The following C11orf65 variants were observed in gnomAD, a reference collection of about 807,000 sequenced individuals.
The protein encoded by C11orf65 is protein MFI.
Under a neutral mutation model 35.3 loss-of-function variants are expected in C11orf65, and 38 were observed. The observed-to-expected ratio is 1.08, with a 90% CI of 0.83 to 1.41. The LOEUF (loss-of-function observed/expected upper bound fraction) is 1.41, where lower values mean the gene tolerates loss of function less well. Ranked by LOEUF, C11orf65 falls within the 40% of genes most tolerant of loss-of-function variation. The pLI, the probability that C11orf65 is intolerant of heterozygous loss-of-function variation, is 0.00. For synonymous variants in C11orf65, 105 were observed against 114.4 expected (o/e 0.92, Z 0.53); for missense variants, 370 against 367.1 (o/e 1.01, Z -0.06).
intron 2 of C11orf65, among the ~76,000 whole-genome samples, chr11:108,373,665 C>G (rs112063267): frequency 2.8e-4 from 43 of 152,198 alleles, no homozygotes; most frequent in African/African-American, 8.7e-4. Flanking sequence ...GAGTGCCAGA[C>G]AGTAGGTGCA....
chr11:108,324,056 GAA>G (rs10708230), intron 6 of C11orf65, among the ~76,000 whole-genome samples: 1 of 151,952 alleles, frequency 6.6e-6, no homozygotes, highest in Admixed American at 6.6e-5. Context: ...AAAAATATTT[GAA>G]AAAAAAATTT....
Position 108,460,099 on chromosome 11 carries a change from G to GTAT in C11orf65, c.81+1377_81+1379dup, listed in dbSNP as rs1317295614. Among the ~76,000 whole-genome samples the GTAT allele has an allele frequency of 3.9e-5, 6 of 152,010 alleles. No individual in the cohort carries two copies. The East Asian group carries it at 1.2e-3, about 29-fold the overall frequency. On this transcript the variant is annotated intron_variant, in intron 2 of 8. Transcript: ENST00000393084. ...TCCTGGGCAACATAGTGAGATCCCT[G>GTAT]TATCTTAAAAAAACACATATTATTT...
Position 108,361,575 on chromosome 11 carries a change from A to G in C11orf65, c.227-26283T>C, listed in dbSNP as rs377487718. Among the ~76,000 whole-genome samples the G allele has an allele frequency of 7.2e-5, 11 of 151,996 alleles. No individual in the cohort carries two copies. The South Asian group carries it at 8.5e-4, about 12-fold the overall frequency. Reference sequence around the variant, plus strand: ...CTACAAGGCTACAGTAACCAAAACAACATGGTACTGGTACCAAAACAGAGA... The same window carrying G: ...CTACAAGGCTACAGTAACCAAAACAGCATGGTACTGGTACCAAAACAGAGA... On this transcript the variant is annotated intron_variant, in intron 2 of 3. Coordinates refer to the C11orf65 transcript ENST00000524755.
intron 6 of C11orf65, among the ~76,000 whole-genome samples, chr11:108,400,873 G>A (rs1251323435): frequency 2.6e-5 from 4 of 152,078 alleles, no homozygotes; most frequent in East Asian, 1.9e-4. Flanking sequence ...TTGGGAGGCC[G>A]AGGCAGGCAG....
At chr11:108,467,402 C>G (rs1373936523) in intron 1 of C11orf65, 69 bp downstream of exon 1, 2 of 152,324 alleles carry the variant, frequency 1.3e-5, no homozygotes, top group African/African-American at 2.4e-5. Flanking sequence ...AAGGCTCAAA[C>G]CAGTGGGCAC....
intron 2 of C11orf65, chr11:108,335,361 C>A: frequency 8.4e-7 from 1 of 1,185,040 alleles, no homozygotes; most frequent in Non-Finnish European, 1.1e-6. Context: ...CAGACATGTA[C>A]AGTGAGGTTG....
At chr11:108,416,757 T>C (rs1436713576) in intron 3 of C11orf65, among the ~76,000 whole-genome samples, 1 of 151,986 alleles carries the variant, frequency 6.6e-6, no homozygotes, top group Non-Finnish European at 1.5e-5. Context: ...CTGACAACAC[T>C]AGATGCTAGC....
At chr11:108,357,611 C>T (rs1404211182) in intron 2 of C11orf65, among the ~76,000 whole-genome samples, 1 of 152,208 alleles carries the variant, frequency 6.6e-6, no homozygotes, top group Admixed American at 6.5e-5. Context: ...AACAGGCAGA[C>T]TGCCTCCTCA....
intron 2 of C11orf65, among the ~76,000 whole-genome samples, chr11:108,376,101 C>A (rs1318522521): frequency 1.3e-5 from 2 of 152,006 alleles, no homozygotes; most frequent in East Asian, 3.9e-4. Context: ...AACAAGGATA[C>A]CCAGGAATTG....
intron 6 of C11orf65, among the ~76,000 whole-genome samples, chr11:108,313,867 G>A (rs606275): frequency 0.63 from 96,013 of 151,954 alleles, 30,744 homozygotes; most frequent in Middle Eastern, 0.76. Flanking sequence ...ATAGTTCCTA[G>A]TTTTTTCTAT....
intron 2 of C11orf65, among the ~76,000 whole-genome samples, chr11:108,356,558 AAAG>A (rs1345665507): frequency 3.3e-5 from 5 of 151,796 alleles, no homozygotes; most frequent in Non-Finnish European, 7.4e-5. Flanking sequence ...AAAAAAAAAA[AAAG>A]CCCAAACTTT....
chr11:108,332,162 T>C, intron 3 of C11orf65: 5 of 1,245,262 alleles, frequency 4.0e-6, no homozygotes, highest in Non-Finnish European at 5.6e-6. Context: ...GCACGGTGGC[T>C]CACGCCTGTA....
At chr11:108,428,751 T>C (rs1026277840) in intron 3 of C11orf65, among the ~76,000 whole-genome samples, 4 of 152,194 alleles carry the variant, frequency 2.6e-5, no homozygotes, top group Non-Finnish European at 5.9e-5. Flanking sequence ...CCATGGTACA[T>C]GTATACCTAT....
In C11orf65 at chr11:108,393,308, T is replaced by A; in HGVS notation, c.631A>T (p.Lys211Ter). The change falls in exon 7 of 9, where the codon AAG becomes TAG. Residue 211 changes from lysine (K) to a stop codon, truncating the protein, a stop_gained. Coordinates refer to ENST00000393084, the MANE Select transcript of C11orf65 (RefSeq NM_152587.5). LOFTEE classifies it high-confidence loss of function. ...TCTTCAAAAGCTCTAATCAGCCCCT[T>A]TGTTGCAGTGTGAATTAGTCCTAGA... ...ETLGLIHTAT[K>*]GLIRAFEDGG... 2 of 1,614,032 alleles carry A rather than the reference T, an allele frequency of 1.2e-6. No homozygotes were observed. The highest frequency in any genetic ancestry group is 1.7e-6 in the Non-Finnish European group (2 of 1,179,966).
chr11:108,422,622 A>G (rs1174729961), intron 3 of C11orf65, among the ~76,000 whole-genome samples: 6 of 152,150 alleles, frequency 3.9e-5, no homozygotes, highest in African/African-American at 1.4e-4. Flanking sequence ...GGTGGCTCAC[A>G]CCTGTAATCC....
intron 2 of C11orf65, among the ~76,000 whole-genome samples, chr11:108,460,026 T>C (rs576707815): frequency 1.3e-5 from 2 of 152,232 alleles, no homozygotes; most frequent in Non-Finnish European, 2.9e-5. Flanking sequence ...GCAAGTTACT[T>C]GGGAAGCTGA....
Position 108,382,953 on chromosome 11 carries a change from T to A in C11orf65, c.*68A>T. 1 of 1,589,778 alleles carries A rather than the reference T, an allele frequency of 6.3e-7. No homozygotes were observed. The highest frequency in any genetic ancestry group is 1.7e-4 in the Middle Eastern group (1 of 5,962). On this transcript the variant is annotated 3_prime_UTR_variant, in exon 9 of 9. Transcript: ENST00000393084. ...ACAAGTTATTCCAGTCAGAATACAC[T>A]ATCTCTTGGCTATAACTGATGGATG...
chr11:108,370,622 G>T (rs227090), intron 2 of C11orf65, among the ~76,000 whole-genome samples: 90,078 of 147,270 alleles, frequency 0.61, 27,451 homozygotes, highest in Middle Eastern at 0.76. Flanking sequence ...GTTTTGTTTT[G>T]TTTTTTTTTA....
chr11:108,464,989 G>A (rs1397429000), intron 1 of C11orf65, among the ~76,000 whole-genome samples: 2 of 152,048 alleles, frequency 1.3e-5, no homozygotes, highest in Admixed American at 1.3e-4. Flanking sequence ...AAAACTAAAC[G>A]TAAATTAGAT....
Sources: allele counts gnomAD v4.1 joint callset (sites outside exome capture counted in the v4.1 genomes callset), GRCh38; gene constraint gnomAD v4.1.1; transcripts MANE v1.5; gene names NCBI Gene and HGNC (gene_info 2026-07-23, HGNC 2026-07-21).